The following TRHDE variants were observed in gnomAD, a reference collection of about 807,000 sequenced individuals.
TRHDE encodes thyrotropin-releasing hormone-degrading ectoenzyme.
Under a neutral mutation model 125.7 loss-of-function variants are expected in TRHDE, and 72 were observed. The ratio of observed to expected loss-of-function variants is 0.57; its 90% CI spans 0.47 to 0.70. The LOEUF is 0.70. Among genes scored for constraint, TRHDE ranks in the 30% least tolerant of loss-of-function variants. The probability of loss-of-function intolerance (pLI) is 0.00; values close to 1 mark genes in which losing one functional copy is unlikely to be tolerated. For missense variants in TRHDE, 1,110 were observed against 1,327.1 expected (o/e 0.84, Z 2.54); for synonymous variants, 509 against 509.1 (o/e 1.00, Z 0.00).
At chr12:72,089,099 T>C (rs1257210835) in intron 1 of TRHDE, among the ~76,000 whole-genome samples, 1 of 152,126 alleles carries the variant, frequency 6.6e-6, no homozygotes, top group East Asian at 1.9e-4. Flanking sequence ...GTTTCCAAGG[T>C]CAAAACACTT....
intron 2 of TRHDE, among the ~76,000 whole-genome samples, chr12:72,183,464 T>C (rs761604623): frequency 2.0e-5 from 3 of 152,248 alleles, no homozygotes; most frequent in Non-Finnish European, 4.4e-5. Flanking sequence ...CCAGAATTGC[T>C]GTGAATACAT....
chr12:72,483,368 G>GTTT (rs995272488), intron 5 of TRHDE, among the ~76,000 whole-genome samples: 5 of 151,856 alleles, frequency 3.3e-5, no homozygotes, highest in Non-Finnish European at 5.9e-5. Context: ...GTGTGATCTT[G>GTTT]TTTATCCAGC....
chr12:72,381,330 G>C (rs1872166004), intron 3 of TRHDE, among the ~76,000 whole-genome samples: 1 of 152,050 alleles, frequency 6.6e-6, no homozygotes, highest in Non-Finnish European at 1.5e-5. Flanking sequence ...GCTTGGATGA[G>C]GATGTTAACA....
chr12:72,382,514 C>G (rs750568519), intron 3 of TRHDE, among the ~76,000 whole-genome samples: 2 of 152,226 alleles, frequency 1.3e-5, no homozygotes, highest in Non-Finnish European at 1.5e-5. Flanking sequence ...GGCATTCTTA[C>G]CTCACAAATT....
chr12:72,451,438 TGCAAGGATTTATTTCTGG>T (rs1397569015), intron 3 of TRHDE, among the ~76,000 whole-genome samples: 1 of 152,240 alleles, frequency 6.6e-6, no homozygotes, highest in Non-Finnish European at 1.5e-5. Flanking sequence ...TGACCAAAAA[TGCAAGGATTTATTTCTGG>T]GCTCCCTATT....
intron 2 of TRHDE, among the ~76,000 whole-genome samples, chr12:72,159,267 A>C (rs1876585178): frequency 6.6e-6 from 1 of 152,204 alleles, no homozygotes; most frequent in Non-Finnish European, 1.5e-5. Flanking sequence ...AAAAACAAAA[A>C]CAACAATAAT....
At chr12:72,325,711 T>A (rs1224480895) in intron 2 of TRHDE, among the ~76,000 whole-genome samples, 1 of 152,162 alleles carries the variant, frequency 6.6e-6, no homozygotes, top group Non-Finnish European at 1.5e-5. Flanking sequence ...CGTGGTTAAA[T>A]CTTTCTATTG....
chr12:72,095,743 G>A (rs1216117785), intron 1 of TRHDE, among the ~76,000 whole-genome samples: 1 of 152,172 alleles, frequency 6.6e-6, no homozygotes, highest in African/African-American at 2.4e-5. Context: ...GCTAAGACTT[G>A]TTGTTCCTAT....
At chr12:72,594,604 T>A in intron 12 of TRHDE, among the ~76,000 whole-genome samples, 1 of 151,922 alleles carries the variant, frequency 6.6e-6, no homozygotes, top group Non-Finnish European at 1.5e-5. Flanking sequence ...CCACTTGTCA[T>A]TTTATTCATT....
chr12:72,273,414 G>A lies in TRHDE; in HGVS notation c.771G>A (p.Pro257=). The A allele has an allele frequency of 1.2e-6, 2 of 1,614,114 alleles. No individual in the cohort carries two copies. Among genetic ancestry groups the A allele is most frequent in the East Asian group, 4.5e-5 (2 of 44,872 alleles). The change falls in exon 1 of 19, where the codon CCG becomes CCA. Residue 257 remains proline (P), a synonymous_variant. Coordinates refer to ENST00000261180, the MANE Select transcript of TRHDE (RefSeq NM_013381.3). This position sits in a 1 kb window ranked among gnomAD's most constrained non-coding sequence, Gnocchi z 5.3. ...AVPVAGFFLY[P]QTQVLVVVLN... ...CTGTAGCCGGTTTTTTCCTCTACCC[G>A]CAAACCCAGGTCTTAGTGGTGGTGC...
intron 13 of TRHDE, among the ~76,000 whole-genome samples, chr12:72,619,598 G>T (rs1872961154): frequency 6.6e-6 from 1 of 152,144 alleles, no homozygotes; most frequent in Admixed American, 6.6e-5. Flanking sequence ...TACCTGACCA[G>T]ATTTTCTGAA....
chr12:72,219,161 ATT>A (rs200360805), intron 2 of TRHDE, among the ~76,000 whole-genome samples: 2 of 146,182 alleles, frequency 1.4e-5, no homozygotes, highest in African/African-American at 5.0e-5. Context: ...TGTTTTGTGT[ATT>A]TTTTTTTTTT....
chr12:72,529,608 A>G (rs1182219574), intron 6 of TRHDE, among the ~76,000 whole-genome samples: 1 of 152,126 alleles, frequency 6.6e-6, no homozygotes, highest in Admixed American at 6.6e-5. Flanking sequence ...ATTATACACT[A>G]CTGAAATTAG....
intron 3 of TRHDE, among the ~76,000 whole-genome samples, chr12:72,434,858 C>T (rs1026572699): frequency 2.0e-5 from 3 of 152,140 alleles, no homozygotes; most frequent in South Asian, 2.1e-4. Flanking sequence ...TGTTGTTCCC[C>T]CACGTTTCTC....
chr12:72,648,062 G>T (rs781782344), intron 15 of TRHDE, among the ~76,000 whole-genome samples: 6 of 151,992 alleles, frequency 3.9e-5, no homozygotes, highest in Non-Finnish European at 7.4e-5. Context: ...TGACCAGCTG[G>T]TATTTATCTC....
Position 72,584,059 on chromosome 12 carries a change from G to A in TRHDE, c.2321+8517G>A, listed in dbSNP as rs985729285. Among the ~76,000 whole-genome samples the A allele has an allele frequency of 4.7e-5, 7 of 150,026 alleles. 3 individuals carry two copies. Among genetic ancestry groups the A allele is most frequent in the African/African-American group, 1.7e-4 (7 of 40,452 alleles). ...CCATTCTCCTGCCTCAGCCTCCGGA[G>A]TAGCTGGGACTACAAGGATGACAAA... is the stretch of plus-strand genomic sequence containing the variant. On this transcript the variant is annotated intron_variant, in intron 12 of 18. Transcript: ENST00000261180.
At chr12:72,486,858 A>G (rs1877434080) in intron 5 of TRHDE, among the ~76,000 whole-genome samples, 1 of 152,078 alleles carries the variant, frequency 6.6e-6, no homozygotes, top group Non-Finnish European at 1.5e-5. Flanking sequence ...TAACATAATA[A>G]TCTTAGGGAA....
chr12:72,097,714 G>C (rs1483747656), intron 1 of TRHDE, among the ~76,000 whole-genome samples: 1 of 152,102 alleles, frequency 6.6e-6, no homozygotes, highest in Non-Finnish European at 1.5e-5. Context: ...GCCTCCCAAA[G>C]TGCTGGGATT....
At chr12:72,466,428 A>G (rs1036110813) in intron 3 of TRHDE, among the ~76,000 whole-genome samples, 5 of 152,172 alleles carry the variant, frequency 3.3e-5, no homozygotes, top group African/African-American at 1.2e-4. Flanking sequence ...CTTGTTCCTT[A>G]GTCACATGTT....
Sources: allele counts gnomAD v4.1 joint callset (sites outside exome capture counted in the v4.1 genomes callset), GRCh38; gene constraint gnomAD v4.1.1; non-coding constraint Gnocchi (gnomAD v3.1); transcripts MANE v1.5; gene names NCBI Gene and HGNC (gene_info 2026-07-23, HGNC 2026-07-21).